The following SCAMP4 variants were observed in gnomAD, a reference collection of about 807,000 sequenced individuals.
SCAMP4 encodes the protein secretory carrier membrane protein 4, also known as secretory carrier-associated membrane protein 4.
A neutral mutation model predicts 32.1 loss-of-function variants in SCAMP4; 19 were observed. That is an observed-to-expected ratio of 0.59 (90% CI 0.41 to 0.87). The LOEUF (loss-of-function observed/expected upper bound fraction) is 0.87. SCAMP4 is among the 40% of genes least tolerant of loss of function. The pLI is 0.00. For missense variants in SCAMP4, 302 were observed against 309.0 expected, an observed-to-expected ratio of 0.98 and a Z score of 0.17; for synonymous variants, 152 against 132.7, an observed-to-expected ratio of 1.15 and a Z score of -1.00.
chr19:1,914,866 C>T (rs1568768614), intron 1 of SCAMP4, 113 bp from the exon 2 acceptor site: 6 of 849,006 alleles, frequency 7.1e-6, no homozygotes, highest in African/African-American at 1.7e-5. Flanking sequence ...TAGCCCACTG[C>T]TGTTTCCAGA....
intron 1 of SCAMP4, among the ~76,000 whole-genome samples, chr19:1,909,800 C>T (rs2013341700): frequency 6.6e-6 from 1 of 152,218 alleles, no homozygotes; most frequent in Non-Finnish European, 1.5e-5. Context: ...CAGTGGCTGC[C>T]TGCTCCACCC....
chr19:1,923,319 C>G, intron 6 of SCAMP4, 132 bp downstream of exon 6: 2 of 735,780 alleles, frequency 2.7e-6, no homozygotes, highest in Non-Finnish European at 4.3e-6. Context: ...GCACTTCATC[C>G]CCAGCAGTGA....
chr19:1,912,669 TTGCGGGCCG>T, intron 1 of SCAMP4: 1 of 1,437,822 alleles, frequency 7.0e-7, no homozygotes, highest in Non-Finnish European at 9.0e-7. Context: ...AGCGCGGGGC[TTGCGGGCCG>T]TGGGGGCCGT....
chr19:1,921,882 A>C (rs749931802), intron 5 of SCAMP4: 1 of 985,222 alleles, frequency 1.0e-6, no homozygotes, highest in Non-Finnish European at 1.2e-6. Context: ...GGAGGCTCCA[A>C]GCAGGCGAAC....
chr19:1,908,365 G>A lies in SCAMP4; in HGVS notation c.-42+2926G>A, dbSNP rs1420227106. Reference sequence around the variant, plus strand: ...AGGCCACTGGCCTGGAGTTCCACTGGCTGCTGGTCCCCCATCTGTGGGGCG... The same window carrying A: ...AGGCCACTGGCCTGGAGTTCCACTGACTGCTGGTCCCCCATCTGTGGGGCG... On this transcript the variant is annotated intron_variant, in intron 1 of 6. Coordinates refer to ENST00000316097, the MANE Select transcript of SCAMP4 (RefSeq NM_079834.4). This position sits in a 1 kb window ranked among gnomAD's most constrained non-coding sequence, Gnocchi z 4.2. 5.1e-6 allele frequency: 2 copies of A among 391,410 alleles called. No individual in the cohort carries two copies. Among genetic ancestry groups the A allele is most frequent in the East Asian group, 7.3e-5 (1 of 13,630 alleles). The allele number at this position is 391,410 out of a possible 1,614,324, so 24.2% of individuals were successfully genotyped here.
chr19:1,918,354 C>T, intron 4 of SCAMP4, 71 bp downstream of exon 4: 2 of 1,437,098 alleles, frequency 1.4e-6, no homozygotes, highest in Admixed American at 2.4e-5. Context: ...CAGTCCCAGC[C>T]CAGCTGTGAG....
At chr19:1,919,304 G>C (rs1367543080) in intron 5 of SCAMP4, 1 of 1,202,906 alleles carries the variant, frequency 8.3e-7, no homozygotes, top group Non-Finnish European at 1.0e-6. Flanking sequence ...CCTGACCCGG[G>C]GTCTGGGAGC....
At chr19:1,907,343 G>C (rs1259345749) in intron 1 of SCAMP4, among the ~76,000 whole-genome samples, 1 of 149,800 alleles carries the variant, frequency 6.7e-6, no homozygotes, top group Non-Finnish European at 1.5e-5. Context: ...AAGATGGTCA[G>C]GCCCCTCCAT....
At chr19:1,914,582 T>C in intron 1 of SCAMP4, 2 of 241,026 alleles carry the variant, frequency 8.3e-6, no homozygotes, top group South Asian at 5.1e-5. Flanking sequence ...TGGGGTTCCC[T>C]TTCAGAACGG....
chr19:1,906,719 C>A (rs369606535), intron 1 of SCAMP4: 1 of 151,952 alleles, frequency 6.6e-6, no homozygotes, highest in East Asian at 1.9e-4. Flanking sequence ...TGGTGGTGGA[C>A]GCCTGTGGTC....
intron 1 of SCAMP4, among the ~76,000 whole-genome samples, chr19:1,907,574 G>A (rs1485412509): frequency 4.6e-5 from 7 of 152,100 alleles, no homozygotes; most frequent in Non-Finnish European, 8.8e-5. Context: ...GTCCCGGCGC[G>A]GACCTTGGCC....
chr19:1,918,184 G>C lies in SCAMP4; in HGVS notation c.194G>C (p.Gly65Ala). ...LIACLAWWIG[G>A]GSGTNFGLAF... ...GCCTGCCTGGCCTGGTGGATCGGCG[G>C]AGGCTCGGGGACCAACTTCGGCCTG... The change falls in exon 4 of 7, where the codon GGA (glycine) becomes GCA (alanine). Residue 65 changes from glycine to alanine, a missense_variant. Physicochemically the swap from Gly to Ala is moderately conservative, Grantham distance 60. Transcript: ENST00000316097. 1 of 1,612,758 alleles carries C rather than the reference G, an allele frequency of 6.2e-7. No homozygotes were observed. The highest frequency in any genetic ancestry group is 8.5e-7 in the Non-Finnish European group (1 of 1,179,840).
chr19:1,916,154 G>A (rs1032264622), intron 2 of SCAMP4, among the ~76,000 whole-genome samples: 21 of 151,096 alleles, frequency 1.4e-4, no homozygotes, highest in Non-Finnish European at 2.7e-4. Flanking sequence ...CAGGAGAATC[G>A]CTTGAACCTG....
chr19:1,925,075 G>A lies in SCAMP4; in HGVS notation c.*791G>A, dbSNP rs141781512. 134 of 150,566 alleles carry A rather than the reference G, an allele frequency of 8.9e-4. No individual in the cohort carries two copies. The highest frequency in any genetic ancestry group is 2.8e-3 in the African/African-American group (113 of 40,768). 9.3% of individuals were successfully genotyped at this position (150,566 alleles called of 1,614,324 possible). ...TCCCAGCAGCCGGAGCCCTGCAGGAGAGGCCTTTGTGTTTTGTTTTGTTTT... is the reference window on the plus strand; with the variant it reads ...TCCCAGCAGCCGGAGCCCTGCAGGAAAGGCCTTTGTGTTTTGTTTTGTTTT... On this transcript the variant is annotated 3_prime_UTR_variant, in exon 7 of 7. Transcript: ENST00000316097.
intron 6 of SCAMP4, among the ~76,000 whole-genome samples, chr19:1,923,414 C>T (rs114870877): frequency 0.013 from 1,950 of 152,196 alleles, 47 homozygotes; most frequent in African/African-American, 0.045. Context: ...GTCCTGTGGC[C>T]CCCTGGGCCG....
In SCAMP4 at chr19:1,924,230, C is replaced by G; in HGVS notation, c.636C>G (p.Ser212Arg). 1.9e-6 allele frequency: 3 copies of G among 1,606,512 alleles called. No individual in the cohort carries two copies. Among genetic ancestry groups the G allele is most frequent in the Non-Finnish European group, 2.5e-6 (3 of 1,176,680 alleles). ...AGTACAACAACTTCTCAGGCAACAG[C>G]CTGCCCGAGTACCCCACTGTGCCCA... The part of the protein sequence containing the change: ...EAQYNNFSGN[S>R]LPEYPTVPSY... The change falls in exon 7 of 7, where the codon AGC (serine) becomes AGG (arginine). Residue 212 changes from serine to arginine, a missense_variant. Ser to Arg is a moderately radical substitution (Grantham distance 110). Transcript: ENST00000316097.
At chr19:1,912,799 GC>G (rs1599241871) in intron 1 of SCAMP4, 2 of 1,575,918 alleles carry the variant, frequency 1.3e-6, no homozygotes, top group Middle Eastern at 1.7e-4. Flanking sequence ...GTGGCGCGCG[GC>G]CAGGGCCGCG....
intron 5 of SCAMP4, chr19:1,920,901 C>A: frequency 3.0e-6 from 3 of 985,410 alleles, no homozygotes; most frequent in Non-Finnish European, 3.6e-6. Flanking sequence ...CCTCGGCCCT[C>A]GTGCACGTGC....
chr19:1,913,214 C>T, intron 1 of SCAMP4: 3 of 1,457,330 alleles, frequency 2.1e-6, no homozygotes, highest in South Asian at 1.4e-5. Flanking sequence ...TCCTGGACTT[C>T]CGGGCCTCGA....
Sources: gnomAD v4.1 joint callset for allele counts (sites outside exome capture counted in the v4.1 genomes callset) on GRCh38, gnomAD v4.1.1 for gene constraint, Gnocchi (gnomAD v3.1) non-coding constraint, MANE v1.5 for transcripts, NCBI Gene and HGNC (gene_info 2026-07-23, HGNC 2026-07-21) for gene names.